The following SYAP1 variants were observed in gnomAD, a reference collection of about 807,000 sequenced individuals.
SYAP1 encodes the protein synapse-associated protein 1.
SYAP1 carries 3 observed loss-of-function variants against 29.6 expected under a neutral mutation model. The observed-to-expected ratio is 0.10, with a 90% CI of 0.05 to 0.26. The LOEUF is 0.26. Ranked by LOEUF, SYAP1 falls within the 10% of genes least tolerant of loss-of-function variation. The probability of loss-of-function intolerance (pLI) is 1.00; values close to 1 mark genes in which losing one functional copy is unlikely to be tolerated. For synonymous variants in SYAP1, 102 were observed against 102.7 expected (o/e 0.99, Z 0.04); for missense variants, 217 against 264.1 (o/e 0.82, Z 1.24).
intron 3 of SYAP1, among the ~76,000 whole-genome samples, chrX:16,739,039 T>C (rs750345960): frequency 9.0e-6 from 1 of 111,066 alleles, no homozygotes; most frequent in South Asian, 3.8e-4. Flanking sequence ...CTCATACAAG[T>C]ATCTTAGGAG....
chrX:16,738,144 T>G (rs1926370218), intron 3 of SYAP1, among the ~76,000 whole-genome samples: 1 of 111,780 alleles, frequency 8.9e-6, no homozygotes, highest in Non-Finnish European at 1.9e-5. Flanking sequence ...CCAGGCGTGG[T>G]AGCTTCATGC....
intron 1 of SYAP1, among the ~76,000 whole-genome samples, chrX:16,731,614 A>T (rs999942646): frequency 8.9e-6 from 1 of 112,030 alleles, no homozygotes; most frequent in African/African-American, 3.2e-5. Context: ...AGCTATCTTC[A>T]TTAAACCAAT....
rs1337515614 is a variant in SYAP1 at position 16,765,340 on chromosome X, A to G, written c.*4981A>G. On this transcript the variant is annotated 3_prime_UTR_variant, in exon 9 of 9. Coordinates refer to ENST00000380155, the MANE Select transcript of SYAP1 (RefSeq NM_032796.4). ...TAAAGCTTACTTTTAGTGGCAAGGT[A>G]TAAGTTATAATGGTTGTTCCTGGAT... is the stretch of plus-strand genomic sequence containing the variant. The G allele has an allele frequency of 3.6e-5, 4 of 112,368 alleles. No homozygotes were observed. Among genetic ancestry groups the G allele is most frequent in the Non-Finnish European group, 7.5e-5 (4 of 53,341 alleles). The allele number at this position is 112,368 out of a possible 1,213,427, so 9.3% of individuals were successfully genotyped here.
chrX:16,746,925 T>A (rs1926622593), intron 5 of SYAP1, among the ~76,000 whole-genome samples: 1 of 109,393 alleles, frequency 9.1e-6, no homozygotes, highest in East Asian at 2.9e-4. Context: ...TCTATTTTTT[T>A]ACTACATATG....
chrX:16,742,840 C>T (rs1350729651), intron 4 of SYAP1, among the ~76,000 whole-genome samples: 3 of 109,130 alleles, frequency 2.7e-5, no homozygotes, highest in African/African-American at 1.0e-4. Flanking sequence ...GTCTCGAACT[C>T]CTGGCCTCAA....
intron 5 of SYAP1, among the ~76,000 whole-genome samples, chrX:16,746,465 G>A (rs974897156): frequency 7.2e-5 from 8 of 111,011 alleles, no homozygotes; most frequent in Non-Finnish European, 1.5e-4. Context: ...TCGAACTCCT[G>A]ACCTCAGGTG....
At chrX:16,745,628 C>T (rs999630944) in intron 5 of SYAP1, among the ~76,000 whole-genome samples, 11 of 108,419 alleles carry the variant, frequency 1.0e-4, no homozygotes, top group African/African-American at 3.0e-4. Context: ...CTCAGCTACT[C>T]GGGAGGCTGA....
At chrX:16,722,482 C>T (rs1046619765) in intron 1 of SYAP1, among the ~76,000 whole-genome samples, 6 of 107,463 alleles carry the variant, frequency 5.6e-5, no homozygotes, top group Non-Finnish European at 1.2e-4. Flanking sequence ...GAGCCGAGAT[C>T]GCGCCACTGC....
Position 16,719,705 on chromosome X carries a change from G to A in SYAP1, c.-20G>A, listed in dbSNP as rs983119095. 8.3e-7 allele frequency: 1 copy of A among 1,201,719 alleles called. No individual in the cohort carries two copies. The highest frequency in any genetic ancestry group is 1.1e-6 in the Non-Finnish European group (1 of 891,540). On this transcript the variant is annotated 5_prime_UTR_variant, in exon 1 of 9. Coordinates refer to ENST00000380155, the MANE Select transcript of SYAP1 (RefSeq NM_032796.4). ...TGCGGTCTCTGGGGATCGGGACCGC[G>A]GCGGCGGCCCGCGAGCGGGATGTTC...
chrX:16,723,806 T>C (rs371460830), intron 1 of SYAP1, among the ~76,000 whole-genome samples: 6 of 111,844 alleles, frequency 5.4e-5, no homozygotes, highest in East Asian at 2.8e-4. Flanking sequence ...CTCTTCCTAC[T>C]TTACTTTATT....
chrX:16,745,737 CAAA>C (rs1473355443), intron 5 of SYAP1, among the ~76,000 whole-genome samples: 1 of 62,338 alleles, frequency 1.6e-5, no homozygotes, highest in Non-Finnish European at 3.2e-5. Context: ...ACTCTGTCTC[CAAA>C]AAAAAAAAAA....
intron 1 of SYAP1, among the ~76,000 whole-genome samples, chrX:16,732,537 G>T (rs1926231975): frequency 9.0e-6 from 1 of 111,458 alleles, no homozygotes; most frequent in African/African-American, 3.3e-5. Context: ...CTCCCAAAGT[G>T]CTGGGATTAC....
intron 1 of SYAP1, among the ~76,000 whole-genome samples, chrX:16,731,959 C>T (rs1302101784): frequency 9.5e-6 from 1 of 105,227 alleles, no homozygotes; most frequent in African/African-American, 4.0e-5. Context: ...AAAAATTACA[C>T]AGCAAAGTTC....
rs1217811938 is a variant in SYAP1 at position 16,719,631 on chromosome X, A to G, written c.-94A>G. 3.9e-6 allele frequency: 4 copies of G among 1,018,517 alleles called. No homozygotes were observed. The East Asian group carries it at 1.4e-4, about 36-fold the overall frequency. 83.9% of individuals were successfully genotyped at this position (1,018,517 alleles called of 1,213,427 possible). On this transcript the variant is annotated 5_prime_UTR_variant, in exon 1 of 9. Transcript: ENST00000380155. ...TGCGGTGTTCCTCCGACTTCCGGACATCTCCCTGGGAGTCGCGCAGAGTGG... is the reference window on the plus strand; with the variant it reads ...TGCGGTGTTCCTCCGACTTCCGGACGTCTCCCTGGGAGTCGCGCAGAGTGG...
intron 1 of SYAP1, among the ~76,000 whole-genome samples, chrX:16,723,855 T>G (rs774966913): frequency 9.0e-6 from 1 of 111,668 alleles, no homozygotes; most frequent in South Asian, 3.7e-4. Flanking sequence ...CTTGTCAACT[T>G]GCTCAACTGA....
intron 5 of SYAP1, among the ~76,000 whole-genome samples, chrX:16,745,154 G>A (rs1926568007): frequency 1.8e-5 from 2 of 112,521 alleles, no homozygotes; most frequent in Admixed American, 1.9e-4. Flanking sequence ...CTCAGTAGCT[G>A]TGGGAAGGTA....
chrX:16,720,390 C>T (rs1486346223), intron 1 of SYAP1, among the ~76,000 whole-genome samples: 1 of 111,907 alleles, frequency 8.9e-6, no homozygotes, highest in African/African-American at 3.3e-5. Flanking sequence ...GGTACAGAGA[C>T]CTTTTTCCTT....
intron 1 of SYAP1, among the ~76,000 whole-genome samples, chrX:16,721,429 G>A (rs1481569495): frequency 1.8e-5 from 2 of 110,990 alleles, no homozygotes; most frequent in African/African-American, 6.6e-5. Context: ...ATGGGGTTTC[G>A]CGATGTTGGG....
At chrX:16,738,598 G>A (rs1926379065) in intron 3 of SYAP1, among the ~76,000 whole-genome samples, 1 of 111,650 alleles carries the variant, frequency 9.0e-6, no homozygotes, top group African/African-American at 3.3e-5. Context: ...CTTGAACCTG[G>A]GAGGCAGAGG....
Sources: allele counts gnomAD v4.1 joint callset (sites outside exome capture counted in the v4.1 genomes callset), GRCh38; gene constraint gnomAD v4.1.1; transcripts MANE v1.5; gene names NCBI Gene and HGNC (gene_info 2026-07-23, HGNC 2026-07-21).